Variants in MUSK observed in about 807,000 individuals in gnomAD.
MUSK encodes muscle associated receptor tyrosine kinase, also known as muscle, skeletal receptor tyrosine-protein kinase.
Under a neutral mutation model 88.7 loss-of-function variants are expected in MUSK, and 55 were observed. The observed-to-expected ratio is 0.62, with a 90% CI of 0.50 to 0.78. MUSK has a LOEUF of 0.78. Ranked by LOEUF, MUSK falls within the 30% of genes least tolerant of loss-of-function variation. The pLI is 0.00. For synonymous variants in MUSK, 387 were observed against 391.9 expected (o/e 0.99, Z 0.15); for missense variants, 1,015 against 1,074.3 (o/e 0.94, Z 0.77).
intron 7 of MUSK, among the ~76,000 whole-genome samples, chr9:110,761,092 A>G (rs183344598): frequency 3.3e-5 from 5 of 152,330 alleles, no homozygotes; most frequent in Admixed American, 3.3e-4. Flanking sequence ...AGCACTTGGT[A>G]AAGAGTGTGA....
intron 11 of MUSK, among the ~76,000 whole-genome samples, chr9:110,780,736 T>C (rs2077739032): frequency 6.6e-6 from 1 of 152,224 alleles, no homozygotes; most frequent in Admixed American, 6.5e-5. Context: ...TTTTTTCCTG[T>C]AAGTAATTTA....
At chr9:110,728,070 TC>T (rs1281758770) in intron 5 of MUSK, among the ~76,000 whole-genome samples, 3 of 152,140 alleles carry the variant, frequency 2.0e-5, no homozygotes, top group African/African-American at 7.2e-5. Context: ...TTTTACAATA[TC>T]CTGTGGACCT....
At chr9:110,742,361 C>G (rs1270265489) in intron 6 of MUSK, among the ~76,000 whole-genome samples, 1 of 152,060 alleles carries the variant, frequency 6.6e-6, no homozygotes, top group Non-Finnish European at 1.5e-5. Flanking sequence ...GAGGCTGAGG[C>G]AGAAGAATCA....
rs185651009 is a variant in MUSK at position 110,677,542 on chromosome 9, C to T, written c.80-5132C>T. Among the ~76,000 whole-genome samples, 206 of 152,308 alleles carry T rather than the reference C, an allele frequency of 1.4e-3. 2 individuals carry two copies. Among genetic ancestry groups the T allele is most frequent in the African/African-American group, 4.5e-3 (186 of 41,560 alleles). On this transcript the variant is annotated intron_variant, in intron 1 of 14. Coordinates refer to ENST00000374448, the MANE Select transcript of MUSK (RefSeq NM_005592.4). ...GTCTCTTTTCTAAACTCTTCATTCT[C>T]CCACCCATCTTTTATAAATGTTTGT...
intron 1 of MUSK, among the ~76,000 whole-genome samples, chr9:110,679,665 T>C (rs2076082141): frequency 6.6e-6 from 1 of 152,064 alleles, no homozygotes; most frequent in Non-Finnish European, 1.5e-5. Flanking sequence ...TTTTGATTGA[T>C]AAAGCCTTTC....
At chr9:110,680,815 CTCTTT>C (rs944730095) in intron 1 of MUSK, among the ~76,000 whole-genome samples, 10 of 147,422 alleles carry the variant, frequency 6.8e-5, no homozygotes, top group Admixed American at 4.2e-4. Flanking sequence ...GGCTGCTCCC[CTCTTT>C]TATTTTTCTC....
rs200851493 is a variant in MUSK at position 110,680,367 on chromosome 9, ATTTC to A, written c.80-2299_80-2296del. ...TTTAATTCAATGTGTCCAAGTATGA[ATTTC>A]TTTCTTTTTTTCTTTTTTTTTTTTT... On this transcript the variant is annotated intron_variant, in intron 1 of 14. Coordinates refer to ENST00000374448, the MANE Select transcript of MUSK (RefSeq NM_005592.4). Among the ~76,000 whole-genome samples, 336 of 138,090 alleles carry A rather than the reference ATTTC, an allele frequency of 2.4e-3. 7 individuals are homozygous for A. In the East Asian group the frequency reaches 0.051, roughly 21 times the overall value. 90.6% of individuals were successfully genotyped at this position (138,090 alleles called of 152,430 possible).
chr9:110,694,375 G>A (rs1299623595), intron 3 of MUSK, among the ~76,000 whole-genome samples: 2 of 119,414 alleles, frequency 1.7e-5, no homozygotes, highest in African/African-American at 3.2e-5. Context: ...GACAGAGCGA[G>A]ACTCCGTCTC....
intron 3 of MUSK, among the ~76,000 whole-genome samples, chr9:110,694,790 A>G (rs60451518): frequency 0.024 from 3,717 of 152,288 alleles, 154 homozygotes; most frequent in African/African-American, 0.085. Flanking sequence ...ACTGGCATAA[A>G]CTATTTCTTC....
Position 110,787,859 on chromosome 9 carries a change from A to G in MUSK, c.1927+21A>G, listed in dbSNP as rs752327655. The G allele has an allele frequency of 6.3e-6, 10 of 1,599,680 alleles. No individual in the cohort carries two copies. The African/African-American group carries it at 1.2e-4, about 19-fold the overall frequency. Reference sequence around the variant, plus strand: ...ATTAGGTATGAAAATACAAGTGAGGATATGTATTTCATCAGAAAACAGAGG... The same window carrying G: ...ATTAGGTATGAAAATACAAGTGAGGGTATGTATTTCATCAGAAAACAGAGG... On this transcript the variant is annotated intron_variant, in intron 14 of 14. Transcript: ENST00000374448.
In MUSK at chr9:110,803,052, T is replaced by G. The variant is rs1264278667; in HGVS notation, c.*2064T>G. The stretch of plus-strand genomic sequence containing the variant: ...TGAGCATAGATATCCATGGCTTATT[T>G]TAGATGGTTCATGTATGCTCTGCAA... On this transcript the variant is annotated 3_prime_UTR_variant, in exon 15 of 15. Transcript: ENST00000374448. 6.6e-6 allele frequency among the ~76,000 whole-genome samples: 1 copy of G among 152,206 alleles called. No homozygotes were observed. Among genetic ancestry groups the G allele is most frequent in the African/African-American group, 2.4e-5 (1 of 41,452 alleles).
chr9:110,703,714 A>C (rs2076560538), intron 5 of MUSK, among the ~76,000 whole-genome samples: 2 of 152,138 alleles, frequency 1.3e-5, no homozygotes, highest in Non-Finnish European at 2.9e-5. Context: ...AATTCAGTGC[A>C]GAAAGATTTT....
chr9:110,730,870 T>C (rs190460587), intron 5 of MUSK, among the ~76,000 whole-genome samples: 12 of 152,004 alleles, frequency 7.9e-5, no homozygotes, highest in Admixed American at 1.3e-4. Context: ...TAACATAACT[T>C]ATGTTTCCTC....
chr9:110,729,027 T>C (rs1401808134), intron 5 of MUSK, among the ~76,000 whole-genome samples: 2 of 151,608 alleles, frequency 1.3e-5, no homozygotes, highest in South Asian at 2.1e-4. Flanking sequence ...CCCACATAGA[T>C]TGGAAAAGAA....
At chr9:110,755,952 A>ATATATG (rs2077311279) in intron 7 of MUSK, among the ~76,000 whole-genome samples, 2 of 43,420 alleles carry the variant, frequency 4.6e-5, no homozygotes, top group Admixed American at 1.9e-4. Flanking sequence ...ATATATATAC[A>ATATATG]CATATATATA....
chr9:110,799,041 C>G (rs2078053858), intron 14 of MUSK, among the ~76,000 whole-genome samples: 1 of 151,982 alleles, frequency 6.6e-6, no homozygotes, highest in African/African-American at 2.4e-5. Context: ...TAGGTAAGTC[C>G]CTGTTAACTA....
At chr9:110,728,918 A>G (rs2131825778) in intron 5 of MUSK, among the ~76,000 whole-genome samples, 1 of 152,144 alleles carries the variant, frequency 6.6e-6, no homozygotes, top group East Asian at 1.9e-4. Context: ...GACCATTTGC[A>G]TTTCTTAAGC....
chr9:110,706,018 A>C, intron 5 of MUSK: 1 of 462,142 alleles, frequency 2.2e-6, no homozygotes, highest in East Asian at 6.3e-5. Flanking sequence ...CAATTGAATA[A>C]ATTTTAGTTT....
In MUSK at chr9:110,806,049, A is replaced by C. The variant is rs78996939; in HGVS notation, c.*5061A>C. Among the ~76,000 whole-genome samples, 14,837 of 152,078 alleles carry C rather than the reference A, an allele frequency of 0.098. 943 individuals carry two copies. Among genetic ancestry groups the C allele is most frequent in the South Asian group, 0.18 (858 of 4,816 alleles). Reference sequence around the variant, plus strand: ...ACAAGAGGGTAAAAATTAAAAAAATAATAAAAGTTCCCTTCTTCCTTTTCA... The same window carrying C: ...ACAAGAGGGTAAAAATTAAAAAAATCATAAAAGTTCCCTTCTTCCTTTTCA... On this transcript the variant is annotated 3_prime_UTR_variant, in exon 15 of 15. Coordinates refer to ENST00000374448, the MANE Select transcript of MUSK (RefSeq NM_005592.4).
Sources: gnomAD v4.1 joint callset for allele counts (sites outside exome capture counted in the v4.1 genomes callset) on GRCh38, gnomAD v4.1.1 for gene constraint, MANE v1.5 for transcripts, NCBI Gene and HGNC (gene_info 2026-07-23, HGNC 2026-07-21) for gene names.